DMTF1: variants seen among roughly 807,000 people sequenced by gnomAD.
The protein encoded by DMTF1 is cyclin-D-binding Myb-like transcription factor 1.
A neutral mutation model predicts 91.1 loss-of-function variants in DMTF1; 39 were observed. The observed-to-expected ratio is 0.43, with a 90% CI of 0.33 to 0.56. DMTF1 has a LOEUF of 0.56. Among genes scored for constraint, DMTF1 ranks in the 20% least tolerant of loss-of-function variants. DMTF1 has a pLI of 0.05. For missense variants in DMTF1, 750 were observed against 914.5 expected, an observed-to-expected ratio of 0.82 and a Z score of 2.32; for synonymous variants, 338 against 309.5, an observed-to-expected ratio of 1.09 and a Z score of -0.97.
chr7:87,191,296 A>T (rs542452336), intron 14 of DMTF1, among the ~76,000 whole-genome samples: 1 of 152,266 alleles, frequency 6.6e-6, no homozygotes, highest in African/African-American at 2.4e-5. Flanking sequence ...AAAAGTTCAT[A>T]TTGGTTATTT....
At chr7:87,162,943 C>CT (rs1432174111) in intron 1 of DMTF1, 2 of 150,846 alleles carry the variant, frequency 1.3e-5, no homozygotes, top group Non-Finnish European at 2.9e-5. Flanking sequence ...TGTAATTTGT[C>CT]TTTTCTGGCC....
intron 7 of DMTF1, 149 bp downstream of exon 7, chr7:87,174,818 C>G: frequency 2.0e-6 from 1 of 503,508 alleles, no homozygotes; most frequent in Non-Finnish European, 3.5e-6. Context: ...CTGAATAATT[C>G]TAAAATACAT....
intron 1 of DMTF1, among the ~76,000 whole-genome samples, chr7:87,161,791 T>G (rs1018901398): frequency 1.3e-5 from 2 of 152,202 alleles, no homozygotes; most frequent in Non-Finnish European, 2.9e-5. Flanking sequence ...AAATAAGCAT[T>G]GTACTTTTTG....
chr7:87,160,697 G>A (rs774654567), intron 1 of DMTF1, among the ~76,000 whole-genome samples: 2 of 152,068 alleles, frequency 1.3e-5, no homozygotes, highest in South Asian at 2.1e-4. Flanking sequence ...GCCAGATTAC[G>A]TAGCTACTTC....
chr7:87,167,694 A>G (rs766134936), intron 4 of DMTF1, among the ~76,000 whole-genome samples: 1 of 152,246 alleles, frequency 6.6e-6, no homozygotes, highest in Non-Finnish European at 1.5e-5. Flanking sequence ...AACAGTGTTA[A>G]TATTGCTTCC....
intron 8 of DMTF1, 175 bp from the exon 9 acceptor site, chr7:87,181,134 G>T: frequency 2.4e-6 from 1 of 418,816 alleles, no homozygotes; most frequent in Non-Finnish European, 4.5e-6. Context: ...ATAGGCGTGA[G>T]CCGCACCCTG....
chr7:87,179,140 T>C (rs1240891014), intron 7 of DMTF1, among the ~76,000 whole-genome samples: 1 of 152,092 alleles, frequency 6.6e-6, no homozygotes, highest in African/African-American at 2.4e-5. Flanking sequence ...GGCAGAACTT[T>C]AATCATTTCA....
chr7:87,173,734 C>A, intron 6 of DMTF1, 85 bp downstream of exon 6: 1 of 694,124 alleles, frequency 1.4e-6, no homozygotes, highest in Non-Finnish European at 2.3e-6. Context: ...CTGAGTTGGA[C>A]CTTCATCACT....
intron 12 of DMTF1, chr7:87,186,809 C>G (rs1188402129): frequency 6.6e-6 from 1 of 152,140 alleles, no homozygotes; most frequent in Non-Finnish European, 1.5e-5. Flanking sequence ...GATCCCATGA[C>G]AGAATCACCT....
At chr7:87,179,974 A>G (rs1796990549) in intron 8 of DMTF1, among the ~76,000 whole-genome samples, 2 of 152,330 alleles carry the variant, frequency 1.3e-5, no homozygotes, top group South Asian at 2.1e-4. Flanking sequence ...TAAAAAATAC[A>G]GTAATGATTA....
At chr7:87,153,435 C>T (rs1366192147) in intron 1 of DMTF1, among the ~76,000 whole-genome samples, 1 of 152,150 alleles carries the variant, frequency 6.6e-6, no homozygotes, top group Non-Finnish European at 1.5e-5. Context: ...CCACAATCTC[C>T]AGAGCAGATT....
intron 8 of DMTF1, among the ~76,000 whole-genome samples, chr7:87,180,606 GGAATTTTCTGTA>G (rs1250938420): frequency 6.6e-6 from 1 of 152,092 alleles, no homozygotes; most frequent in African/African-American, 2.4e-5. Context: ...GTGCTTTGAG[GGAATTTTCTGTA>G]GATTTTCTTT....
At chr7:87,177,687 GA>G (rs1796534106) in intron 7 of DMTF1, among the ~76,000 whole-genome samples, 1 of 152,164 alleles carries the variant, frequency 6.6e-6, no homozygotes, top group African/African-American at 2.4e-5. Context: ...TCAAGGGCAT[GA>G]AGACATTCTC....
chr7:87,193,710 T>G lies in DMTF1; in HGVS notation c.1651-15T>G, dbSNP rs769343526. 1 of 1,571,074 alleles carries G rather than the reference T, an allele frequency of 6.4e-7. No homozygotes were observed. Among genetic ancestry groups the G allele is most frequent in the Non-Finnish European group, 8.6e-7 (1 of 1,159,750 alleles). On this transcript the variant is annotated splice_polypyrimidine_tract_variant and intron_variant, in intron 15 of 17. Transcript: ENST00000331242. ...TTTGATTTACAACTTTAACAGGTTC[T>G]TTAATGTTTTATAGCCAGAACATTT...
rs530419785 is a variant in DMTF1 at position 87,195,305 on chromosome 7, A to T, written c.*165A>T. 150 of 556,424 alleles carry T rather than the reference A, an allele frequency of 2.7e-4. 1 individual carries two copies. In the South Asian group the frequency reaches 3.4e-3, roughly 13 times the overall value. The allele number at this position is 556,424 out of a possible 1,614,324, so 34.5% of individuals were successfully genotyped here. Reference sequence around the variant, plus strand: ...CTGCTATGACTTTTTACCTCCTTTAAACACATCATCTGAGGTTGAGTTTTA... The same window carrying T: ...CTGCTATGACTTTTTACCTCCTTTATACACATCATCTGAGGTTGAGTTTTA... On this transcript the variant is annotated 3_prime_UTR_variant, in exon 18 of 18. Transcript: ENST00000331242.
At chr7:87,170,650 C>G (rs1432589047) in intron 4 of DMTF1, among the ~76,000 whole-genome samples, 8 of 152,202 alleles carry the variant, frequency 5.3e-5, no homozygotes, top group Admixed American at 5.2e-4. Flanking sequence ...CTATCCTCCA[C>G]CCCAACACAT....
chr7:87,180,830 AT>A (rs1254315442), intron 8 of DMTF1, among the ~76,000 whole-genome samples: 1 of 151,858 alleles, frequency 6.6e-6, no homozygotes, highest in Non-Finnish European at 1.5e-5. Context: ...TTAAAAAAAA[AT>A]AAAAATAGAA....
At chr7:87,162,474 A>G (rs1412880299) in intron 1 of DMTF1, among the ~76,000 whole-genome samples, 1 of 152,242 alleles carries the variant, frequency 6.6e-6, no homozygotes, top group East Asian at 1.9e-4. Context: ...AATACACTAT[A>G]ATCACAGACA....
chr7:87,170,874 A>G, intron 4 of DMTF1, 121 bp from the exon 5 acceptor site: 1 of 670,226 alleles, frequency 1.5e-6, no homozygotes, highest in Non-Finnish European at 2.6e-6. Flanking sequence ...GTATGTGAAG[A>G]TGTATTAACA....
Sources: gnomAD v4.1 joint callset for allele counts (sites outside exome capture counted in the v4.1 genomes callset) on GRCh38, gnomAD v4.1.1 for gene constraint, MANE v1.5 for transcripts, NCBI Gene and HGNC (gene_info 2026-07-23, HGNC 2026-07-21) for gene names.